NFATC1: variants seen among roughly 807,000 people sequenced by gnomAD.
NFATC1 encodes the protein nuclear factor of activated T cells 1, also known as nuclear factor of activated T-cells, cytoplasmic 1.
NFATC1 carries 22 observed loss-of-function variants against 76.0 expected under a neutral mutation model. That is an observed-to-expected ratio of 0.29 (90% confidence interval 0.21 to 0.41). NFATC1 has a LOEUF of 0.41. Ranked by LOEUF, NFATC1 falls within the 10% of genes least tolerant of loss-of-function variation. The pLI is 1.00. For missense variants in NFATC1, 1,357 were observed against 1,337.7 expected (o/e 1.01, Z -0.23); for synonymous variants, 704 against 613.1 (o/e 1.15, Z -2.19).
In NFATC1 at chr18:79,483,625, G is replaced by A. The variant is rs772742759; in HGVS notation, c.2093-2623G>A. ...TCCGGCGTGACCTCGTTCCTGGGGC[G>A]TCACTCTGGCGTGACCTGGTCCTGG... On this transcript the variant is annotated intron_variant, in intron 8 of 9. Transcript: ENST00000427363. 7.6e-4 allele frequency among the ~76,000 whole-genome samples: 105 copies of A among 137,828 alleles called. 2 individuals carry two copies. The highest frequency in any genetic ancestry group is 1.4e-3 in the Non-Finnish European group (88 of 64,730). The allele number at this position is 137,828 out of a possible 152,430, so 90.4% of individuals were successfully genotyped here. A position where few individuals can be genotyped will look rare whatever the true frequency, so the allele number is the denominator to read the frequency against.
At chr18:79,506,018 G>A (rs557476344) in intron 9 of NFATC1, among the ~76,000 whole-genome samples, 40 of 152,312 alleles carry the variant, frequency 2.6e-4, no homozygotes, top group African/African-American at 9.1e-4. Flanking sequence ...TGAATTTTGT[G>A]CCCTTCTCAA....
At chr18:79,398,671 G>A (rs1164914408) in intron 1 of NFATC1, among the ~76,000 whole-genome samples, 8 of 152,264 alleles carry the variant, frequency 5.3e-5, no homozygotes, top group Non-Finnish European at 2.9e-5. Flanking sequence ...GGGGCCACCA[G>A]CAGGCGGGAC....
At chr18:79,501,647 T>C (rs1449062816) in intron 9 of NFATC1, among the ~76,000 whole-genome samples, 1 of 112,200 alleles carries the variant, frequency 8.9e-6, no homozygotes, top group Non-Finnish European at 1.6e-5. Context: ...GAAAACCCAC[T>C]GTTAAAACTA....
chr18:79,519,289 C>T (rs141136762), intron 9 of NFATC1, among the ~76,000 whole-genome samples: 1 of 152,288 alleles, frequency 6.6e-6, no homozygotes, highest in East Asian at 1.9e-4. Context: ...TTACAAGGCT[C>T]GGGCTTTCCT....
intron 9 of NFATC1, among the ~76,000 whole-genome samples, chr18:79,490,337 T>G (rs2089642356): frequency 6.6e-6 from 1 of 150,918 alleles, no homozygotes; most frequent in Non-Finnish European, 1.5e-5. Flanking sequence ...AGGCTCAGGC[T>G]CTCGGTCATG....
chr18:79,428,569 A>G (rs1376240821), intron 2 of NFATC1, among the ~76,000 whole-genome samples: 1 of 152,248 alleles, frequency 6.6e-6, no homozygotes, highest in Non-Finnish European at 1.5e-5. Flanking sequence ...GTTTACAACA[A>G]CAGAGGGGAA....
Position 79,524,743 on chromosome 18 carries a change from G to A in NFATC1, c.2783-2785G>A, listed in dbSNP as rs376314419. ...GCCCCCGACGGGAACCTGGGTGGCC[G>A]GGGGACACACCGAGGAACTTTCCGC... On this transcript the variant is annotated intron_variant, in intron 9 of 9. Transcript: ENST00000427363. This position sits in a 1 kb window ranked among gnomAD's most constrained non-coding sequence, Gnocchi z 7.2. Among the ~76,000 whole-genome samples, 80 of 152,164 alleles carry A rather than the reference G, an allele frequency of 5.3e-4. No homozygotes were observed. The highest frequency in any genetic ancestry group is 1.8e-3 in the African/African-American group (76 of 41,518).
intron 5 of NFATC1, 26 bp downstream of exon 5, chr18:79,451,152 G>A (rs1416998405): frequency 6.3e-7 from 1 of 1,596,562 alleles, no homozygotes; most frequent in Non-Finnish European, 8.6e-7. Flanking sequence ...CGCGCCCACA[G>A]GGGAGGAAAC....
intron 2 of NFATC1, among the ~76,000 whole-genome samples, chr18:79,416,656 A>T (rs1206162146): frequency 6.6e-6 from 1 of 152,210 alleles, no homozygotes; most frequent in African/African-American, 2.4e-5. Context: ...GAGTTGCCCC[A>T]TGGTTTGTAA....
At chr18:79,467,185 G>A (rs746565499) in intron 7 of NFATC1, among the ~76,000 whole-genome samples, 16 of 152,236 alleles carry the variant, frequency 1.1e-4, no homozygotes, top group African/African-American at 1.9e-4. Context: ...GTGAGCGTGC[G>A]TGTCCACACG....
chr18:79,457,017 G>A (rs946246135), intron 6 of NFATC1, among the ~76,000 whole-genome samples: 5 of 152,264 alleles, frequency 3.3e-5, no homozygotes, highest in South Asian at 4.1e-4. Context: ...AAGGCCAAAT[G>A]CAGATCTTTC....
At chr18:79,525,027 GGCC>G (rs1569058904) in intron 9 of NFATC1, among the ~76,000 whole-genome samples, 3,435 of 123,996 alleles carry the variant, frequency 0.028, 1,142 homozygotes, top group African/African-American at 0.03. Flanking sequence ...CTACCCCTCA[GGCC>G]TCCCCACGTC....
intron 9 of NFATC1, 76 bp downstream of exon 9, chr18:79,487,013 G>GCCACACACGCAGCACGCACA: frequency 6.8e-7 from 1 of 1,464,446 alleles, no homozygotes; most frequent in Non-Finnish European, 9.2e-7. Flanking sequence ...CCGTGTGCGT[G>GCCACACACGCAGCACGCACA]CTGCGTGTGT....
At chr18:79,513,587 G>A (rs529311367) in intron 9 of NFATC1, among the ~76,000 whole-genome samples, 17 of 152,384 alleles carry the variant, frequency 1.1e-4, no homozygotes, top group Admixed American at 2.6e-4. Context: ...CGGCGGGGGC[G>A]TGGACGTCGT....
chr18:79,464,972 T>C (rs1431484204), intron 7 of NFATC1, among the ~76,000 whole-genome samples: 1 of 152,028 alleles, frequency 6.6e-6, no homozygotes, highest in African/African-American at 2.4e-5. Flanking sequence ...CCCAAAGTGC[T>C]GGGATGACAG....
chr18:79,403,878 C>A (rs528077025), intron 1 of NFATC1, among the ~76,000 whole-genome samples: 1 of 152,182 alleles, frequency 6.6e-6, no homozygotes, highest in African/African-American at 2.4e-5. Flanking sequence ...GGCAGAGACG[C>A]CTGGTGAGCA....
chr18:79,482,325 G>A (rs2089308162), intron 8 of NFATC1, among the ~76,000 whole-genome samples: 1 of 143,500 alleles, frequency 7.0e-6, no homozygotes, highest in Non-Finnish European at 1.5e-5. Context: ...TGGTTCCTGG[G>A]GTGTCATTCC....
intron 4 of NFATC1, among the ~76,000 whole-genome samples, chr18:79,449,745 T>G (rs1381603855): frequency 6.6e-6 from 1 of 152,018 alleles, no homozygotes; most frequent in East Asian, 1.9e-4. Flanking sequence ...AAGCTGTGTG[T>G]GGGGTGCCCC....
chr18:79,479,786 C>T (rs1445811174), intron 8 of NFATC1, among the ~76,000 whole-genome samples: 4 of 152,254 alleles, frequency 2.6e-5, no homozygotes. Context: ...CCCTTTGTCC[C>T]TGGCTGTGCT....
Sources: gnomAD v4.1 joint callset for allele counts (sites outside exome capture counted in the v4.1 genomes callset) on GRCh38, gnomAD v4.1.1 for gene constraint, Gnocchi (gnomAD v3.1) non-coding constraint, MANE v1.5 for transcripts, NCBI Gene and HGNC (gene_info 2026-07-23, HGNC 2026-07-21) for gene names.